The following ERBB4 variants were observed in gnomAD, a reference collection of about 807,000 sequenced individuals.
The protein encoded by ERBB4 is erb-b2 receptor tyrosine kinase 4.
In ERBB4, 42 loss-of-function variants were observed where a neutral mutation model predicts 158.0. The observed-to-expected ratio is 0.27, with a 90% CI of 0.21 to 0.34. The LOEUF is 0.34. Ranked by LOEUF, ERBB4 falls within the 10% of genes least tolerant of loss-of-function variation. ERBB4 has a pLI of 1.00. For missense variants in ERBB4, 1,333 were observed against 1,624.1 expected (o/e 0.82, Z 3.08); for synonymous variants, 583 against 558.7 (o/e 1.04, Z -0.61).
At chr2:212,466,454 G>C (rs868838761) in intron 1 of ERBB4, among the ~76,000 whole-genome samples, 51 of 152,182 alleles carry the variant, frequency 3.4e-4, no homozygotes, top group Non-Finnish European at 6.6e-4. Flanking sequence ...AATCACGGGA[G>C]TGGGTCTTTC....
chr2:212,339,118 A>G (rs2088582527), intron 1 of ERBB4, among the ~76,000 whole-genome samples: 1 of 152,098 alleles, frequency 6.6e-6, no homozygotes, highest in Non-Finnish European at 1.5e-5. Flanking sequence ...TCACTTACAT[A>G]TTAAGTCCAG....
intron 1 of ERBB4, among the ~76,000 whole-genome samples, chr2:212,211,364 C>T (rs1290241128): frequency 2.6e-5 from 4 of 152,120 alleles, no homozygotes; most frequent in Non-Finnish European, 4.4e-5. Flanking sequence ...TAACATCCTA[C>T]ATAGCACCTG....
chr2:212,428,594 G>A (rs995948142), intron 1 of ERBB4, among the ~76,000 whole-genome samples: 3 of 152,050 alleles, frequency 2.0e-5, no homozygotes, highest in Non-Finnish European at 2.9e-5. Flanking sequence ...TACAGATCTG[G>A]TGCAAAACAT....
At chr2:211,466,281 A>G (rs976018570) in intron 20 of ERBB4, among the ~76,000 whole-genome samples, 1 of 151,878 alleles carries the variant, frequency 6.6e-6, no homozygotes. Context: ...ATGTAAGGTA[A>G]AAGGTGTCTT....
chr2:211,918,768 C>T (rs571854559), intron 3 of ERBB4, among the ~76,000 whole-genome samples: 1 of 152,138 alleles, frequency 6.6e-6, no homozygotes, highest in East Asian at 1.9e-4. Flanking sequence ...ATTTATTTTC[C>T]CCTACTCTGG....
chr2:211,796,237 T>C (rs1005869098), intron 3 of ERBB4, among the ~76,000 whole-genome samples: 3 of 151,968 alleles, frequency 2.0e-5, no homozygotes, highest in South Asian at 2.1e-4. Flanking sequence ...ATTTTACGTA[T>C]ATAGAATCAT....
At chr2:211,963,189 G>A (rs547328181) in intron 2 of ERBB4, among the ~76,000 whole-genome samples, 183 of 152,154 alleles carry the variant, frequency 1.2e-3, no homozygotes, top group Non-Finnish European at 2.0e-3. Flanking sequence ...GATATTTGTG[G>A]TTGTCATCTT....
intron 16 of ERBB4, among the ~76,000 whole-genome samples, chr2:211,638,652 C>G (rs1033957732): frequency 1.3e-5 from 2 of 152,090 alleles, no homozygotes; most frequent in Non-Finnish European, 2.9e-5. Flanking sequence ...TTTTTTGACT[C>G]GGCTTTATGT....
At chr2:212,188,142 C>G (rs1475176066) in intron 1 of ERBB4, among the ~76,000 whole-genome samples, 1 of 148,578 alleles carries the variant, frequency 6.7e-6, no homozygotes, top group African/African-American at 2.5e-5. Flanking sequence ...CCATCCATGT[C>G]AAATCCCAAA....
intron 25 of ERBB4, among the ~76,000 whole-genome samples, chr2:211,395,770 CAGAGA>C (rs1476909789): frequency 2.6e-5 from 4 of 151,934 alleles, no homozygotes; most frequent in African/African-American, 9.7e-5. Flanking sequence ...TTGCCCTTCA[CAGAGA>C]AGAGATATGT....
At chr2:212,167,970 G>C (rs2081398889) in intron 1 of ERBB4, among the ~76,000 whole-genome samples, 1 of 151,464 alleles carries the variant, frequency 6.6e-6, no homozygotes, top group African/African-American at 2.4e-5. Flanking sequence ...GGAACTTAGA[G>C]GATGGGTCAA....
At chr2:211,477,329 C>CTCT (rs2064980298) in intron 20 of ERBB4, among the ~76,000 whole-genome samples, 1 of 151,932 alleles carries the variant, frequency 6.6e-6, no homozygotes, top group African/African-American at 2.4e-5. Context: ...CTCTCTCTCT[C>CTCT]CTACACATAC....
At chr2:211,791,965 T>C (rs565239320) in intron 3 of ERBB4, among the ~76,000 whole-genome samples, 1 of 151,866 alleles carries the variant, frequency 6.6e-6, no homozygotes, top group Non-Finnish European at 1.5e-5. Flanking sequence ...TATAGCATAG[T>C]ATTTGTAGCT....
intron 1 of ERBB4, among the ~76,000 whole-genome samples, chr2:212,272,261 TAAAA>T (rs2085369706): frequency 6.6e-6 from 1 of 151,816 alleles, no homozygotes; most frequent in Non-Finnish European, 1.5e-5. Flanking sequence ...TGGATCATTT[TAAAA>T]TAAAATTTTA....
At chr2:211,473,269 G>A (rs967629832) in intron 20 of ERBB4, among the ~76,000 whole-genome samples, 1 of 152,106 alleles carries the variant, frequency 6.6e-6, no homozygotes, top group East Asian at 1.9e-4. Context: ...CTGGAAGCTG[G>A]AAGAAGCAAG....
At chr2:211,616,775 T>C (rs2069408393) in intron 19 of ERBB4, among the ~76,000 whole-genome samples, 1 of 152,174 alleles carries the variant, frequency 6.6e-6, no homozygotes, top group Non-Finnish European at 1.5e-5. Context: ...CTTATTAAAC[T>C]CTGCTGATAG....
chr2:211,854,032 C>T (rs13027737), intron 3 of ERBB4, among the ~76,000 whole-genome samples: 32,391 of 151,992 alleles, frequency 0.21, 3,578 homozygotes, highest in South Asian at 0.32. Flanking sequence ...CCAAGGAAAA[C>T]AGTAGATCTT....
At chr2:211,924,027 C>T (rs1326900710) in intron 3 of ERBB4, among the ~76,000 whole-genome samples, 2 of 151,994 alleles carry the variant, frequency 1.3e-5, no homozygotes, top group African/African-American at 4.8e-5. Context: ...CAGCCATAAC[C>T]TAAATTTTAA....
At chr2:212,537,132 A>AGGCGGCGGCGGCGGC (rs71397171) in intron 1 of ERBB4, among the ~76,000 whole-genome samples, 8 of 99,530 alleles carry the variant, frequency 8.0e-5, no homozygotes, top group African/African-American at 2.8e-4. Context: ...TAGGCAAAGG[A>AGGCGGCGGCGGCGGC]GGCGGCGGCG....
Sources: gnomAD v4.1 joint callset for allele counts (sites outside exome capture counted in the v4.1 genomes callset) on GRCh38, gnomAD v4.1.1 for gene constraint, MANE v1.5 for transcripts, NCBI Gene and HGNC (gene_info 2026-07-23, HGNC 2026-07-21) for gene names.